LMNB1: variants seen among roughly 807,000 people sequenced by gnomAD.
LMNB1 encodes the protein lamin B1, also known as lamin-B1.
Under a neutral mutation model 67.1 loss-of-function variants are expected in LMNB1, and 23 were observed. The ratio of observed to expected loss-of-function variants is 0.34; its 90% confidence interval spans 0.25 to 0.49. The LOEUF is 0.49. Ranked by LOEUF, LMNB1 falls within the 20% of genes least tolerant of loss-of-function variation. The probability of loss-of-function intolerance (pLI) is 0.99; values close to 1 mark genes in which losing one functional copy is unlikely to be tolerated. For missense variants in LMNB1, 634 were observed against 746.5 expected (o/e 0.85, Z 1.76); for synonymous variants, 281 against 282.9 (o/e 0.99, Z 0.07).
intron 5 of LMNB1, among the ~76,000 whole-genome samples, chr5:126,816,709 A>T (rs1313984533): frequency 6.6e-6 from 1 of 152,118 alleles, no homozygotes; most frequent in Non-Finnish European, 1.5e-5. Flanking sequence ...GTCTTGAGTA[A>T]GATTGTCCAG....
At chr5:126,786,598 A>G (rs994703794) in intron 1 of LMNB1, among the ~76,000 whole-genome samples, 1 of 152,150 alleles carries the variant, frequency 6.6e-6, no homozygotes, top group African/African-American at 2.4e-5. Flanking sequence ...CATCCATACA[A>G]CAGTGTTCTA....
At position 126,777,442 on chromosome 5, in the gene LMNB1, C is replaced by G; in HGVS notation, c.-67C>G. On this transcript the variant is annotated 5_prime_UTR_variant, in exon 1 of 11. Coordinates refer to ENST00000261366, the MANE Select transcript of LMNB1 (RefSeq NM_005573.4). Reference sequence around the variant, plus strand: ...TGTGCCTTCGGTCCCCGCTTCGCCCCCTGCCGTCCCCTCCTTATCACGGTC... The same window carrying G: ...TGTGCCTTCGGTCCCCGCTTCGCCCGCTGCCGTCCCCTCCTTATCACGGTC... 2.4e-6 allele frequency: 3 copies of G among 1,263,174 alleles called. No homozygotes were observed. Among genetic ancestry groups the G allele is most frequent in the Non-Finnish European group, 3.0e-6 (3 of 1,007,258 alleles). 78.2% of individuals were successfully genotyped at this position (1,263,174 alleles called of 1,614,324 possible).
intron 3 of LMNB1, 53 bp from the exon 4 acceptor site, chr5:126,810,118 AGATGTGTAC>A: frequency 1.4e-6 from 2 of 1,462,812 alleles, no homozygotes; most frequent in Non-Finnish European, 1.9e-6. Flanking sequence ...GATGTCACTC[AGATGTGTAC>A]CAATGCAGCC....
chr5:126,777,135 C>T (rs905858812), upstream of LMNB1: 5 of 174,838 alleles, frequency 2.9e-5, no homozygotes, highest in African/African-American at 1.2e-4. Context: ...CCCCGCCCGC[C>T]GCTCCGTGCA....
chr5:126,810,261 C>G lies in LMNB1; in HGVS notation c.724C>G (p.Leu242Val), dbSNP rs1406229522. Residue 242 changes from leucine (L) to valine (V), a missense_variant, in exon 4 of 11, where the codon CTG becomes GTG. Leu to Val is a conservative substitution (Grantham distance 32, BLOSUM62 1). Transcript: ENST00000261366. ...SGRQIEYEYK[L>V]AQALHEMREQ... The stretch of plus-strand genomic sequence containing the variant: ...GCGTCAAATTGAGTATGAGTACAAG[C>G]TGGCGCAAGCCCTTCATGAGATGAG... 1 of 1,614,024 alleles carries G rather than the reference C, an allele frequency of 6.2e-7. No individual in the cohort carries two copies. Among genetic ancestry groups the G allele is most frequent in the Non-Finnish European group, 8.5e-7 (1 of 1,179,906 alleles).
chr5:126,800,213 T>C (rs1751236330), intron 1 of LMNB1, among the ~76,000 whole-genome samples: 1 of 152,152 alleles, frequency 6.6e-6, no homozygotes, highest in African/African-American at 2.4e-5. Flanking sequence ...TTACCCACAT[T>C]CCAGTGTAGG....
chr5:126,818,845 G>A (rs1353324057), intron 5 of LMNB1, 77 bp from the exon 6 acceptor site: 1 of 1,003,696 alleles, frequency 1.0e-6, no homozygotes, highest in East Asian at 2.4e-5. Flanking sequence ...TCCAGTCTAG[G>A]AAATGATTTA....
intron 1 of LMNB1, among the ~76,000 whole-genome samples, chr5:126,793,208 CAA>C (rs1444570296): frequency 6.6e-6 from 1 of 152,150 alleles, no homozygotes; most frequent in African/African-American, 2.4e-5. Flanking sequence ...AGATGAGTGA[CAA>C]AGGTAGTAGT....
Position 126,832,741 on chromosome 5 carries a change from A to G in LMNB1, c.1659A>G (p.Glu553=). The part of the protein sequence containing the change: ...STVFKTTIPE[E]EEEEEEAAGV... ...TCTTTAAAACAACCATACCTGAAGA[A>G]GAGGAGGAGGAGGAAGAAGCAGCTG... The change falls in exon 10 of 11, where the codon GAA becomes GAG. Residue 553 remains glutamate (E), a synonymous_variant. Coordinates refer to ENST00000261366, the MANE Select transcript of LMNB1 (RefSeq NM_005573.4). 6.2e-7 allele frequency: 1 copy of G among 1,612,956 alleles called. No homozygotes were observed. The highest frequency in any genetic ancestry group is 8.5e-7 in the Non-Finnish European group (1 of 1,179,244).
At chr5:126,835,628 TATAG>T (rs1752232109) in intron 10 of LMNB1, among the ~76,000 whole-genome samples, 1 of 152,226 alleles carries the variant, frequency 6.6e-6, no homozygotes, top group Admixed American at 6.5e-5. Flanking sequence ...TAAAATTATA[TATAG>T]ATAGCTACCC....
chr5:126,787,273 G>A (rs569233754), intron 1 of LMNB1, among the ~76,000 whole-genome samples: 1 of 152,018 alleles, frequency 6.6e-6, no homozygotes, highest in East Asian at 1.9e-4. Context: ...GCTAGGAGCC[G>A]TGTGAAATTT....
In LMNB1 at chr5:126,828,244, T is replaced by C. The variant is rs113508673; in HGVS notation, c.1611+2137T>C. Among the ~76,000 whole-genome samples the C allele has an allele frequency of 2.7e-3, 412 of 152,204 alleles. 3 individuals carry two copies. Among genetic ancestry groups the C allele is most frequent in the African/African-American group, 8.9e-3 (368 of 41,532 alleles). On this transcript the variant is annotated intron_variant, in intron 9 of 10. Coordinates refer to ENST00000261366, the MANE Select transcript of LMNB1 (RefSeq NM_005573.4). Reference sequence around the variant, plus strand: ...CAGATAAGACTGAAAAGCACTGTTATAAGGGGTACAAGGCAGATTAAATGG... The same window carrying C: ...CAGATAAGACTGAAAAGCACTGTTACAAGGGGTACAAGGCAGATTAAATGG...
At chr5:126,829,572 A>G (rs1228538517) in intron 9 of LMNB1, among the ~76,000 whole-genome samples, 1 of 151,686 alleles carries the variant, frequency 6.6e-6, no homozygotes, top group African/African-American at 2.4e-5. Context: ...CTCTCAGAAC[A>G]GCCTAGCAAG....
chr5:126,794,409 C>T (rs2973586), intron 1 of LMNB1, among the ~76,000 whole-genome samples: 91,061 of 151,978 alleles, frequency 0.6, 27,445 homozygotes, highest in South Asian at 0.68. Context: ...GAGCCTGTTA[C>T]GAAATAAAAT....
Position 126,836,529 on chromosome 5 carries a change from C to T in LMNB1, c.*265C>T, listed in dbSNP as rs1011453198. 6.5e-5 allele frequency: 23 copies of T among 352,790 alleles called. No homozygotes were observed. The highest frequency in any genetic ancestry group is 3.8e-4 in the African/African-American group (18 of 47,358). 21.9% of individuals were successfully genotyped at this position (352,790 alleles called of 1,614,324 possible). A position where few individuals can be genotyped will look rare whatever the true frequency, so the allele number is the denominator to read the frequency against. On this transcript the variant is annotated 3_prime_UTR_variant, in exon 11 of 11. Coordinates refer to ENST00000261366, the MANE Select transcript of LMNB1 (RefSeq NM_005573.4). ...GGAAGGGGTTCCTCAAATTTTTTGA[C>T]TTTTTTTGTATGTGTGTTTTTTCTT... is the stretch of plus-strand genomic sequence containing the variant.
chr5:126,791,786 C>T (rs1750964872), intron 1 of LMNB1, among the ~76,000 whole-genome samples: 1 of 148,260 alleles, frequency 6.7e-6, no homozygotes, highest in African/African-American at 2.5e-5. Flanking sequence ...CCCTTGATGT[C>T]TCTTTTTTTG....
chr5:126,800,717 A>G (rs891585244), intron 1 of LMNB1, among the ~76,000 whole-genome samples: 2 of 134,088 alleles, frequency 1.5e-5, no homozygotes, highest in African/African-American at 5.6e-5. Flanking sequence ...CAATGGCACA[A>G]TCTTGGCTCA....
chr5:126,826,216 A>G, intron 9 of LMNB1, 109 bp downstream of exon 9: 2 of 1,255,972 alleles, frequency 1.6e-6, no homozygotes, highest in Non-Finnish European at 2.2e-6. Context: ...GCATAAACAG[A>G]CCAAAGCTGC....
intron 1 of LMNB1, among the ~76,000 whole-genome samples, chr5:126,783,952 G>A (rs146889139): frequency 1.2e-3 from 178 of 145,924 alleles, no homozygotes; most frequent in African/African-American, 4.5e-3. Context: ...TTTAAAATCA[G>A]TTTTAAACCC....
Sources: gnomAD v4.1 joint callset for allele counts (sites outside exome capture counted in the v4.1 genomes callset) on GRCh38, gnomAD v4.1.1 for gene constraint, MANE v1.5 for transcripts, NCBI Gene and HGNC (gene_info 2026-07-23, HGNC 2026-07-21) for gene names.